The following HS3ST4 variants were observed in gnomAD, a reference collection of about 807,000 sequenced individuals.
HS3ST4 encodes heparan sulfate-glucosamine 3-sulfotransferase 4.
A neutral mutation model predicts 29.2 loss-of-function variants in HS3ST4; 17 were observed. The ratio of observed to expected loss-of-function variants is 0.58; its 90% CI spans 0.40 to 0.87. The LOEUF (loss-of-function observed/expected upper bound fraction) is 0.87, where lower values mean the gene tolerates loss of function less well. Among genes scored for constraint, HS3ST4 ranks in the 40% least tolerant of loss-of-function variants. The pLI is 0.00. For missense variants in HS3ST4, 627 were observed against 634.5 expected (o/e 0.99, Z 0.13); for synonymous variants, 314 against 285.7 (o/e 1.10, Z -1.00).
At chr16:25,828,242 C>CTTTCTTTTTCTTTCTTTCTT (rs1371928058) in intron 1 of HS3ST4, among the ~76,000 whole-genome samples, 3 of 75,016 alleles carry the variant, frequency 4.0e-5, no homozygotes, top group African/African-American at 5.8e-5. Flanking sequence ...TTCTTTCTTT[C>CTTTCTTTTTCTTTCTTTCTT]TCTTTCTTTC....
intron 1 of HS3ST4, among the ~76,000 whole-genome samples, chr16:26,064,991 C>T (rs954130800): frequency 6.6e-6 from 1 of 152,190 alleles, no homozygotes; most frequent in African/African-American, 2.4e-5. Context: ...AATTAAAATA[C>T]ATTCCAGATA....
chr16:26,133,630 A>G (rs1899447321), intron 1 of HS3ST4, among the ~76,000 whole-genome samples: 1 of 152,220 alleles, frequency 6.6e-6, no homozygotes. Context: ...CTACGAGGCA[A>G]ATTCCTCTTG....
At chr16:25,788,540 C>CTTCTT (rs1966861209) in intron 1 of HS3ST4, among the ~76,000 whole-genome samples, 1 of 99,070 alleles carries the variant, frequency 1.0e-5, no homozygotes, top group Admixed American at 1.2e-4. Flanking sequence ...TTCTTTTCTT[C>CTTCTT]TTTCTTTTTT....
At chr16:25,948,822 C>T (rs1301804193) in intron 1 of HS3ST4, among the ~76,000 whole-genome samples, 1 of 152,176 alleles carries the variant, frequency 6.6e-6, no homozygotes, top group Non-Finnish European at 1.5e-5. Context: ...CACCACCTGA[C>T]GTGACCTCCG....
chr16:26,028,404 TG>T (rs1969498918), intron 1 of HS3ST4, among the ~76,000 whole-genome samples: 2 of 151,988 alleles, frequency 1.3e-5, no homozygotes, highest in Non-Finnish European at 1.5e-5. Flanking sequence ...TTCTCTTGTG[TG>T]GGTATGACTA....
chr16:25,771,237 G>T (rs1966841643), intron 1 of HS3ST4, among the ~76,000 whole-genome samples: 1 of 152,104 alleles, frequency 6.6e-6, no homozygotes, highest in South Asian at 2.1e-4. Flanking sequence ...AGAACATGTG[G>T]TGTTCAGTTT....
chr16:25,987,175 A>AC (rs11406744), intron 1 of HS3ST4, among the ~76,000 whole-genome samples: 18,290 of 151,918 alleles, frequency 0.12, 1,220 homozygotes, highest in South Asian at 0.16. Flanking sequence ...ACATAGAGAA[A>AC]CCCCGTCTCT....
At chr16:25,713,652 G>C (rs1296444119) in intron 1 of HS3ST4, among the ~76,000 whole-genome samples, 1 of 152,170 alleles carries the variant, frequency 6.6e-6, no homozygotes, top group African/African-American at 2.4e-5. Context: ...GTTCTTCATA[G>C]GTATGGCGTA....
intron 1 of HS3ST4, among the ~76,000 whole-genome samples, chr16:25,941,740 C>T (rs528546214): frequency 6.6e-6 from 1 of 152,152 alleles, no homozygotes; most frequent in South Asian, 2.1e-4. Flanking sequence ...CCACACCCAG[C>T]TAATTTTTTG....
chr16:26,026,524 A>T (rs1969475636), intron 1 of HS3ST4, among the ~76,000 whole-genome samples: 1 of 152,116 alleles, frequency 6.6e-6, no homozygotes, highest in African/African-American at 2.4e-5. Flanking sequence ...GCTTTGCCCC[A>T]TAGTCATGAA....
At chr16:25,938,708 T>G (rs1968542799) in intron 1 of HS3ST4, among the ~76,000 whole-genome samples, 1 of 152,196 alleles carries the variant, frequency 6.6e-6, no homozygotes, top group African/African-American at 2.4e-5. Flanking sequence ...TGAACTCTCC[T>G]GCCTCCATTT....
chr16:26,069,133 G>A (rs1384137233), intron 1 of HS3ST4, among the ~76,000 whole-genome samples: 1 of 152,112 alleles, frequency 6.6e-6, no homozygotes, highest in Non-Finnish European at 1.5e-5. Flanking sequence ...TGCATTTTTT[G>A]TAGAGACAGA....
At chr16:25,769,053 G>T (rs921654525) in intron 1 of HS3ST4, among the ~76,000 whole-genome samples, 2 of 152,180 alleles carry the variant, frequency 1.3e-5, no homozygotes, top group Non-Finnish European at 2.9e-5. Flanking sequence ...TCAAAACTGT[G>T]TTGGGTCAGA....
At chr16:25,930,202 A>G (rs1418971569) in intron 1 of HS3ST4, among the ~76,000 whole-genome samples, 3 of 152,178 alleles carry the variant, frequency 2.0e-5, no homozygotes, top group Non-Finnish European at 4.4e-5. Flanking sequence ...ACCTAGGCAT[A>G]TGAAGAACAT....
chr16:25,823,899 T>G (rs566716667), intron 1 of HS3ST4, among the ~76,000 whole-genome samples: 73 of 152,186 alleles, frequency 4.8e-4, no homozygotes, highest in Non-Finnish European at 8.8e-4. Context: ...CTCTTATTTT[T>G]TGCCTTATTT....
At chr16:25,994,324 G>A (rs1456257038) in intron 1 of HS3ST4, among the ~76,000 whole-genome samples, 1 of 151,896 alleles carries the variant, frequency 6.6e-6, no homozygotes, top group East Asian at 1.9e-4. Context: ...GTATAGTCTT[G>A]TTTGGTATTT....
At chr16:25,902,748 G>A (rs1968131299) in intron 1 of HS3ST4, among the ~76,000 whole-genome samples, 1 of 151,022 alleles carries the variant, frequency 6.6e-6, no homozygotes, top group Non-Finnish European at 1.5e-5. Flanking sequence ...GGTGGTTCTA[G>A]GCAAATGGGA....
intron 1 of HS3ST4, among the ~76,000 whole-genome samples, chr16:26,086,801 G>A (rs1898795105): frequency 6.6e-6 from 1 of 152,168 alleles, no homozygotes; most frequent in Non-Finnish European, 1.5e-5. Flanking sequence ...TCATTGATTA[G>A]TCTCTGAATG....
At chr16:26,029,626 T>C (rs2141752554) in intron 1 of HS3ST4, among the ~76,000 whole-genome samples, 1 of 152,330 alleles carries the variant, frequency 6.6e-6, no homozygotes, top group African/African-American at 2.4e-5. Flanking sequence ...TTGGCCAGGC[T>C]GGTCTCAAAC....
Sources: allele counts gnomAD v4.1 joint callset (sites outside exome capture counted in the v4.1 genomes callset), GRCh38; gene constraint gnomAD v4.1.1; transcripts MANE v1.5; gene names NCBI Gene and HGNC (gene_info 2026-07-23, HGNC 2026-07-21).